Variants in NDC1 observed in about 807,000 individuals in gnomAD.
NDC1 encodes nucleoporin NDC1.
In NDC1, 24 loss-of-function variants were observed where a neutral mutation model predicts 89.8. The ratio of observed to expected loss-of-function variants is 0.27; its 90% confidence interval spans 0.19 to 0.38. NDC1 has a LOEUF of 0.38. Among genes scored for constraint, NDC1 ranks in the 10% least tolerant of loss-of-function variants. The pLI, the probability that NDC1 is intolerant of heterozygous loss-of-function variation, is 1.00. For missense variants in NDC1, 728 were observed against 797.6 expected (o/e 0.91, Z 1.05); for synonymous variants, 296 against 284.8 (o/e 1.04, Z -0.39).
At chr1:53,783,920 G>A (rs992459896) in intron 16 of NDC1, among the ~76,000 whole-genome samples, 3 of 152,066 alleles carry the variant, frequency 2.0e-5, no homozygotes, top group Non-Finnish European at 2.9e-5. Context: ...AGCAAGACAG[G>A]GCTTGACCTT....
intron 6 of NDC1, among the ~76,000 whole-genome samples, chr1:53,816,680 CCA>C (rs1648492784): frequency 1.3e-5 from 2 of 150,940 alleles, no homozygotes; most frequent in South Asian, 2.1e-4. Flanking sequence ...AGCAGACAAC[CCA>C]CAGAGTGGGA....
intron 3 of NDC1, among the ~76,000 whole-genome samples, chr1:53,828,600 T>A (rs147152715): frequency 1.5e-3 from 223 of 150,238 alleles, no homozygotes; most frequent in African/African-American, 5.1e-3. Flanking sequence ...TATTTATTTA[T>A]TTTATTTTAT....
chr1:53,819,481 A>T (rs1410591280), intron 5 of NDC1, among the ~76,000 whole-genome samples: 1 of 152,210 alleles, frequency 6.6e-6, no homozygotes, highest in Non-Finnish European at 1.5e-5. Flanking sequence ...CCTGTAAGGG[A>T]GTTTTTACTA....
intron 10 of NDC1, among the ~76,000 whole-genome samples, chr1:53,802,974 T>C (rs978337521): frequency 1.3e-5 from 2 of 152,176 alleles, no homozygotes; most frequent in African/African-American, 4.8e-5. Context: ...ATTAACTTTA[T>C]TTAAGCCAAT....
chr1:53,772,837 G>A (rs141399938), intron 16 of NDC1, among the ~76,000 whole-genome samples: 1 of 152,000 alleles, frequency 6.6e-6, no homozygotes, highest in East Asian at 1.9e-4. Context: ...GATATATACA[G>A]AGAGATATAC....
rs1649204002 is a variant in NDC1, at chr1:53,835,603, T to C, written c.75A>G (p.Ile25Met). The part of the protein sequence containing the change: ...DILWRVLGWR[I>M]VASIVWSVLF... Reference sequence around the variant, plus strand: ...GCACTGACCAAACAATACTTGCAACTATCCTCCAGCCCAAAACCTATAAAC... The same window carrying C: ...GCACTGACCAAACAATACTTGCAACCATCCTCCAGCCCAAAACCTATAAAC... The change falls in exon 2 of 18, where the codon ATA becomes ATG. Residue 25 changes from isoleucine (I) to methionine (M), a missense_variant. By Grantham distance (10) the Ile-to-Met change is conservative. Coordinates refer to ENST00000371429, the MANE Select transcript of NDC1 (RefSeq NM_018087.5). 1 of 1,612,408 alleles carries C rather than the reference T, an allele frequency of 6.2e-7. No homozygotes were observed. The highest frequency in any genetic ancestry group is 8.5e-7 in the Non-Finnish European group (1 of 1,179,378).
chr1:53,819,871 G>C (rs1648606178), intron 5 of NDC1, among the ~76,000 whole-genome samples: 1 of 152,026 alleles, frequency 6.6e-6, no homozygotes, highest in Admixed American at 6.6e-5. Context: ...CTTATCTTTT[G>C]GCTTCCCTGG....
intron 5 of NDC1, among the ~76,000 whole-genome samples, chr1:53,822,479 G>A (rs1430289096): frequency 2.6e-5 from 4 of 151,882 alleles, no homozygotes; most frequent in African/African-American, 7.3e-5. Context: ...TAAACGGTCT[G>A]GAAGAATATA....
chr1:53,793,172 A>G, intron 14 of NDC1, 57 bp downstream of exon 14: 5 of 1,360,732 alleles, frequency 3.7e-6, no homozygotes, highest in Non-Finnish European at 5.2e-6. Context: ...CTGCTACTTT[A>G]TTTCATATTT....
At chr1:53,824,938 TC>T (rs1648795860) in intron 5 of NDC1, among the ~76,000 whole-genome samples, 1 of 151,790 alleles carries the variant, frequency 6.6e-6, no homozygotes, top group Non-Finnish European at 1.5e-5. Context: ...CTTTGGGAGA[TC>T]AACACAGGCA....
intron 6 of NDC1, among the ~76,000 whole-genome samples, chr1:53,810,730 C>T (rs935265791): frequency 6.6e-6 from 1 of 152,168 alleles, no homozygotes. Context: ...CATAGCAAGA[C>T]CCCATCTCTA....
At chr1:53,768,757 T>C (rs899821080) in intron 17 of NDC1, among the ~76,000 whole-genome samples, 1 of 152,204 alleles carries the variant, frequency 6.6e-6, no homozygotes, top group African/African-American at 2.4e-5. Context: ...GTGTTATGAA[T>C]TGCCCTAAAA....
chr1:53,806,433 T>C lies in NDC1; in HGVS notation c.976A>G (p.Ile326Val), dbSNP rs1648111478. 1 of 1,535,436 alleles carries C rather than the reference T, an allele frequency of 6.5e-7. No homozygotes were observed. Among genetic ancestry groups the C allele is most frequent in the South Asian group, 1.3e-5 (1 of 76,112 alleles). The change falls in exon 9 of 18, where the codon ATC (isoleucine) becomes GTC (valine). Residue 326 changes from isoleucine to valine, a missense_variant. Coordinates refer to ENST00000371429, the MANE Select transcript of NDC1 (RefSeq NM_018087.5). ...PKVLNSNPPP[I>V]IKYLALQDLM... Reference sequence around the variant, plus strand: ...CAACACAGTTTGGATACCTTTATGATGGGGGGAGGATTGCTATTTAACACT... The same window carrying C: ...CAACACAGTTTGGATACCTTTATGACGGGGGGAGGATTGCTATTTAACACT...
chr1:53,793,490 T>G (rs1647590047), intron 13 of NDC1, among the ~76,000 whole-genome samples: 1 of 152,212 alleles, frequency 6.6e-6, no homozygotes. Flanking sequence ...CCAACTAAAC[T>G]GTATTCCCAT....
chr1:53,768,532 G>GT (rs1430627567), intron 17 of NDC1, among the ~76,000 whole-genome samples: 1 of 152,140 alleles, frequency 6.6e-6, no homozygotes, highest in Non-Finnish European at 1.5e-5. Flanking sequence ...CATAAGTTAT[G>GT]TTTTGGATGT....
At chr1:53,838,104 C>G (rs1433663783) in intron 1 of NDC1, 101 bp downstream of exon 1, 8 of 1,093,124 alleles carry the variant, frequency 7.3e-6, no homozygotes, top group Non-Finnish European at 1.0e-5. Context: ...CTCCACGCTG[C>G]CCCGGGACCG....
chr1:53,823,114 T>C (rs1012457376), intron 5 of NDC1, among the ~76,000 whole-genome samples: 8 of 152,174 alleles, frequency 5.3e-5, no homozygotes, highest in Non-Finnish European at 8.8e-5. Flanking sequence ...CAGGAAACTA[T>C]GGTTCTGGGC....
At chr1:53,825,754 C>A (rs773308041) in intron 5 of NDC1, 44 bp downstream of exon 5, 2 of 1,536,294 alleles carry the variant, frequency 1.3e-6, no homozygotes, top group Admixed American at 2.3e-5. Context: ...GGCAATTTTA[C>A]CTCAGCCAAA....
chr1:53,767,966 TTAAC>T lies in NDC1; in HGVS notation c.2025_*3del, dbSNP rs764849013. 6.3e-7 allele frequency: 1 copy of T among 1,587,788 alleles called. No homozygotes were observed. Among genetic ancestry groups the T allele is most frequent in the Non-Finnish European group, 8.6e-7 (1 of 1,158,418 alleles). ...GTGTAATGAACACAGTTTATATTAC[TTAAC>T]TATTCTTTGAACTCCAAGAACTGTT... On this transcript the variant is annotated stop_retained_variant and 3_prime_UTR_variant, in exon 18 of 18. Transcript: ENST00000371429.
Sources: gnomAD v4.1 joint callset for allele counts (sites outside exome capture counted in the v4.1 genomes callset) on GRCh38, gnomAD v4.1.1 for gene constraint, MANE v1.5 for transcripts, NCBI Gene and HGNC (gene_info 2026-07-23, HGNC 2026-07-21) for gene names.